The following LARP4B variants were observed in gnomAD, a reference collection of about 807,000 sequenced individuals.
The protein encoded by LARP4B is La ribonucleoprotein 4B.
In LARP4B, 12 loss-of-function variants were observed where a neutral mutation model predicts 89.8. That is an observed-to-expected ratio of 0.13 (90% CI 0.09 to 0.22). LARP4B has a LOEUF of 0.22. Among genes scored for constraint, LARP4B ranks in the 10% least tolerant of loss-of-function variants. LARP4B has a pLI of 1.00. For missense variants in LARP4B, 757 were observed against 947.7 expected (o/e 0.80, Z 2.64); for synonymous variants, 367 against 363.3 (o/e 1.01, Z -0.12).
chr10:928,305 CA>C (rs1275528949), intron 1 of LARP4B, among the ~76,000 whole-genome samples: 7 of 151,874 alleles, frequency 4.6e-5, no homozygotes, highest in Non-Finnish European at 1.5e-5. Flanking sequence ...CACATCTATA[CA>C]GCTTTTTTAC....
At chr10:884,606 A>G (rs1835795308) in intron 2 of LARP4B, 100 bp from the exon 3 acceptor site, 1 of 715,840 alleles carries the variant, frequency 1.4e-6, no homozygotes, top group Non-Finnish European at 2.4e-6. Context: ...CCACCAAGAA[A>G]TGCACATTTC....
At chr10:964,794 G>A in the LARP4B span, among the ~76,000 whole-genome samples, 127 of 152,308 alleles carry the variant, frequency 8.3e-4, no homozygotes, top group African/African-American at 2.6e-3. Context: ...CCGGGGCTGC[G>A]GGGAGAGAGG....
intron 1 of LARP4B, among the ~76,000 whole-genome samples, chr10:889,749 A>G (rs1835961780): frequency 6.6e-6 from 1 of 152,204 alleles, no homozygotes; most frequent in Non-Finnish European, 1.5e-5. Flanking sequence ...CAGGAGTTCA[A>G]GACCAGACCG....
chr10:975,172 G>C, the LARP4B span, among the ~76,000 whole-genome samples: 1 of 152,242 alleles, frequency 6.6e-6, no homozygotes, highest in South Asian at 2.1e-4. Flanking sequence ...TGATTTTATA[G>C]GTTCTCAGCA....
intron 11 of LARP4B, 54 bp from the exon 12 acceptor site, chr10:825,924 T>G: frequency 8.8e-7 from 1 of 1,140,346 alleles, no homozygotes; most frequent in Non-Finnish European, 1.3e-6. Flanking sequence ...GACTTCAATT[T>G]CATTAATACC....
the LARP4B span, chr10:988,290 C>T: frequency 3.4e-6 from 2 of 586,986 alleles, no homozygotes; most frequent in Non-Finnish European, 6.1e-6. Flanking sequence ...CCTCACACGC[C>T]CTCCGTGGCT....
At chr10:985,789 C>T in the LARP4B span, 2 of 152,228 alleles carry the variant, frequency 1.3e-5, no homozygotes, top group African/African-American at 4.8e-5. Flanking sequence ...ACATCAGGAA[C>T]TTACTCAAGC....
intron 5 of LARP4B, among the ~76,000 whole-genome samples, chr10:846,136 G>T (rs964518898): frequency 2.0e-5 from 3 of 152,138 alleles, no homozygotes; most frequent in Non-Finnish European, 4.4e-5. Context: ...CTAGACTAAG[G>T]TGTCTCCGGG....
chr10:819,501 T>G (rs1037932850), intron 14 of LARP4B: 1 of 152,260 alleles, frequency 6.6e-6, no homozygotes, highest in African/African-American at 2.4e-5. Flanking sequence ...TGAGAGCACG[T>G]ACATAAGACG....
chr10:956,472 A>C, the LARP4B span, among the ~76,000 whole-genome samples: 1 of 151,674 alleles, frequency 6.6e-6, no homozygotes, highest in Non-Finnish European at 1.5e-5. The surrounding 1 kb of genome is among the most constrained non-coding windows in gnomAD (Gnocchi z 4.3). Context: ...CAGCCTCCCT[A>C]GTAGCTGGGA....
intron 1 of LARP4B, among the ~76,000 whole-genome samples, chr10:906,256 A>G (rs1348355267): frequency 3.9e-5 from 6 of 152,196 alleles, no homozygotes; most frequent in Admixed American, 6.5e-5. Flanking sequence ...CCTTATTTTC[A>G]TATCTAATTC....
At chr10:816,087 G>A (rs1428633599) in intron 15 of LARP4B, among the ~76,000 whole-genome samples, 1 of 152,166 alleles carries the variant, frequency 6.6e-6, no homozygotes, top group Admixed American at 6.5e-5. Context: ...AAATTAGCCG[G>A]GTGTGGTGGT....
chr10:860,263 T>A (rs981341568), intron 5 of LARP4B, among the ~76,000 whole-genome samples: 2 of 152,116 alleles, frequency 1.3e-5, no homozygotes, highest in Non-Finnish European at 2.9e-5. Flanking sequence ...AAACATAAAT[T>A]AAAGCCACAG....
chr10:940,000 C>G, the LARP4B span, among the ~76,000 whole-genome samples: 2 of 151,468 alleles, frequency 1.3e-5, no homozygotes, highest in African/African-American at 4.9e-5. Context: ...CATGTGCCAC[C>G]ACGCCCGGCT....
rs1359387413 is a variant in LARP4B at position 812,083 on chromosome 10, G to C, written c.*843C>G. 5.2e-5 allele frequency: 8 copies of C among 152,658 alleles called. No homozygotes were observed. Among genetic ancestry groups the C allele is most frequent in the Admixed American group, 5.2e-4 (8 of 15,290 alleles). 9.5% of individuals were successfully genotyped at this position (152,658 alleles called of 1,614,324 possible). On this transcript the variant is annotated 3_prime_UTR_variant, in exon 18 of 18. Transcript: ENST00000316157. Reference sequence around the variant, plus strand: ...CTCCAACCAGAGTGCTGGGGAACACGGACAGAAATGTGCACAGAGCAGGGC... The same window carrying C: ...CTCCAACCAGAGTGCTGGGGAACACCGACAGAAATGTGCACAGAGCAGGGC...
At chr10:932,203 CCCAGGACCCAGG>C (rs1421674768), upstream of LARP4B, among the ~76,000 whole-genome samples, 6 of 150,000 alleles carry the variant, frequency 4.0e-5, no homozygotes, top group Non-Finnish European at 8.9e-5. Context: ...TCATCCCACC[CCCAGGACCCAGG>C]CCCCGACCCT....
the LARP4B span, among the ~76,000 whole-genome samples, chr10:940,080 C>T: frequency 1.4e-4 from 17 of 121,700 alleles, no homozygotes; most frequent in Admixed American, 8.4e-4. Flanking sequence ...TGCAATGGTG[C>T]GATCTCGGCT....
chr10:956,408 C>A, the LARP4B span, among the ~76,000 whole-genome samples: 1 of 151,744 alleles, frequency 6.6e-6, no homozygotes, highest in Non-Finnish European at 1.5e-5. The surrounding 1 kb of genome is among the most constrained non-coding windows in gnomAD (Gnocchi z 4.3). Flanking sequence ...TGCAGTGGCG[C>A]GATCTCGGCT....
chr10:818,163 C>A, intron 14 of LARP4B: 1 of 317,078 alleles, frequency 3.2e-6, no homozygotes, highest in Non-Finnish European at 5.8e-6. Context: ...CCACCCATGG[C>A]TGCCAGCACT....
Sources: allele counts gnomAD v4.1 joint callset (sites outside exome capture counted in the v4.1 genomes callset), GRCh38; gene constraint gnomAD v4.1.1; non-coding constraint Gnocchi (gnomAD v3.1); transcripts MANE v1.5; gene names NCBI Gene and HGNC (gene_info 2026-07-23, HGNC 2026-07-21).